The following ZNF438 variants were observed in gnomAD, a reference collection of about 807,000 sequenced individuals.
The protein encoded by ZNF438 is zinc finger protein 438.
Under a neutral mutation model 38.0 loss-of-function variants are expected in ZNF438, and 25 were observed. The observed-to-expected ratio is 0.66, with a 90% CI of 0.48 to 0.92. The LOEUF is 0.92. Among genes scored for constraint, ZNF438 ranks in the 40% least tolerant of loss-of-function variants. ZNF438 has a pLI of 0.00. For synonymous variants in ZNF438, 372 were observed against 364.1 expected, an observed-to-expected ratio of 1.02 and a Z score of -0.25; for missense variants, 1,007 against 999.6, an observed-to-expected ratio of 1.01 and a Z score of -0.10.
chr10:30,856,614 G>A (rs1314085194), intron 4 of ZNF438, among the ~76,000 whole-genome samples: 2 of 152,112 alleles, frequency 1.3e-5, no homozygotes, highest in African/African-American at 2.4e-5. Context: ...TTACAGAACT[G>A]TGCACTAAAT....
chr10:30,935,895 C>T (rs1039748604), intron 2 of ZNF438, among the ~76,000 whole-genome samples: 2 of 152,080 alleles, frequency 1.3e-5, no homozygotes, highest in African/African-American at 4.8e-5. Flanking sequence ...CCAATCACCT[C>T]CCACCAGGTC....
chr10:30,962,578 C>T (rs1214439872), intron 1 of ZNF438, among the ~76,000 whole-genome samples: 5 of 147,606 alleles, frequency 3.4e-5, no homozygotes, highest in African/African-American at 1.2e-4. Context: ...ACGTAATATA[C>T]ATTGTGATTG....
intron 2 of ZNF438, among the ~76,000 whole-genome samples, chr10:30,941,268 C>T (rs1206034980): frequency 6.6e-6 from 1 of 152,072 alleles, no homozygotes; most frequent in Non-Finnish European, 1.5e-5. Flanking sequence ...GAAGAGGTTT[C>T]ACCTTGTTGG....
intron 1 of ZNF438, among the ~76,000 whole-genome samples, chr10:30,963,743 C>T (rs903428759): frequency 2.0e-5 from 3 of 151,808 alleles, no homozygotes; most frequent in South Asian, 4.2e-4. Flanking sequence ...TAGCCGGGTA[C>T]GGTGGCAGGC....
At chr10:30,878,678 C>T (rs933371430) in intron 3 of ZNF438, among the ~76,000 whole-genome samples, 1 of 152,096 alleles carries the variant, frequency 6.6e-6, no homozygotes, top group African/African-American at 2.4e-5. Context: ...TGTCCATAAA[C>T]GGTAAAGCTA....
chr10:31,006,060 A>G (rs568714819), intron 1 of ZNF438, among the ~76,000 whole-genome samples: 1 of 152,106 alleles, frequency 6.6e-6, no homozygotes, highest in East Asian at 1.9e-4. Context: ...TCTACCCTAT[A>G]TTACATGGTA....
intron 5 of ZNF438, among the ~76,000 whole-genome samples, chr10:30,847,786 G>GCTGC (rs1310826719): frequency 1.3e-5 from 2 of 152,240 alleles, no homozygotes; most frequent in Non-Finnish European, 2.9e-5. Context: ...GGCACCTGGA[G>GCTGC]CTGCCTGGCC....
chr10:30,912,878 C>A (rs1160354229), intron 2 of ZNF438, among the ~76,000 whole-genome samples: 1 of 152,126 alleles, frequency 6.6e-6, no homozygotes, highest in Non-Finnish European at 1.5e-5. Context: ...AAAATGTGAT[C>A]TGCTGCTGGA....
intron 1 of ZNF438, among the ~76,000 whole-genome samples, chr10:30,982,399 C>T (rs2136469608): frequency 6.6e-6 from 1 of 152,250 alleles, no homozygotes; most frequent in Non-Finnish European, 1.5e-5. Context: ...CCGCGCCCGG[C>T]CATCCTGTCT....
intron 5 of ZNF438, among the ~76,000 whole-genome samples, 192 bp from the exon 7 acceptor site, chr10:30,845,765 T>C (rs775891875): frequency 6.6e-6 from 1 of 152,190 alleles, no homozygotes; most frequent in Admixed American, 6.5e-5. Flanking sequence ...CTCCTGCTTG[T>C]GGCCACACAT....
At chr10:30,886,943 T>C (rs959461603) in intron 3 of ZNF438, among the ~76,000 whole-genome samples, 3 of 152,226 alleles carry the variant, frequency 2.0e-5, no homozygotes, top group Non-Finnish European at 2.9e-5. Flanking sequence ...TTTTGTTAAA[T>C]TTTATGATGA....
rs756843500 is a variant in ZNF438, at chr10:30,848,760, T to C, written c.1645A>G (p.Ser549Gly). 3 of 1,614,138 alleles carry C rather than the reference T, an allele frequency of 1.9e-6. 1 individual carries two copies. The highest frequency in any genetic ancestry group is 2.5e-6 in the Non-Finnish European group (3 of 1,180,042). ...TGAAGTTTCATGTGTGTGCTCAGGC[T>C]GCCAGGACGTACATAGGACTTGCGA... is the stretch of plus-strand genomic sequence containing the variant. Residue 549 changes from serine (S) to glycine (G), a missense_variant, in exon 5 of 6, where the codon AGC becomes GGC. By Grantham distance (56) the Ser-to-Gly change is moderately conservative. Transcript: ENST00000413025.
chr10:30,994,453 A>G (rs992606018), intron 1 of ZNF438, among the ~76,000 whole-genome samples: 1 of 152,190 alleles, frequency 6.6e-6, no homozygotes, highest in Non-Finnish European at 1.5e-5. Flanking sequence ...TAGGCTAGCT[A>G]TCACAAGAGT....
At chr10:31,005,731 C>G (rs1375685977) in intron 1 of ZNF438, among the ~76,000 whole-genome samples, 1 of 151,906 alleles carries the variant, frequency 6.6e-6, no homozygotes, top group Non-Finnish European at 1.5e-5. Flanking sequence ...GTGTATACAT[C>G]AAAACATCAT....
At chr10:30,899,578 G>C (rs1405245724) in intron 3 of ZNF438, among the ~76,000 whole-genome samples, 1 of 152,062 alleles carries the variant, frequency 6.6e-6, no homozygotes, top group East Asian at 1.9e-4. Context: ...TTAACAGGCT[G>C]TTTCAGAATT....
Position 30,892,497 on chromosome 10 carries a change from A to C in ZNF438, c.-31-15432T>G, listed in dbSNP as rs187989948. ...GGGAAGACCATTGCATTTATATATT[A>C]AGAATTTACTTACATTGCTACAGTC... On this transcript the variant is annotated intron_variant, in intron 3 of 5. Coordinates refer to ENST00000413025, the Ensembl canonical transcript of ZNF438. 2.4e-3 allele frequency among the ~76,000 whole-genome samples: 371 copies of C among 152,286 alleles called. 1 individual carries two copies. Among genetic ancestry groups the C allele is most frequent in the African/African-American group, 8.4e-3 (348 of 41,582 alleles).
In ZNF438 at chr10:30,951,982, A is replaced by G. The variant is rs1266488171; in HGVS notation, c.-191-10331T>C. Reference sequence around the variant, plus strand: ...AAAAGAACAAAGCTGGAGGCATCACACTACCTGACTTCAAACTATACTACA... The same window carrying G: ...AAAAGAACAAAGCTGGAGGCATCACGCTACCTGACTTCAAACTATACTACA... On this transcript the variant is annotated intron_variant, in intron 1 of 5. Coordinates refer to ENST00000413025, the Ensembl canonical transcript of ZNF438. Among the ~76,000 whole-genome samples the G allele has an allele frequency of 1.1e-3, 165 of 150,460 alleles. 3 individuals are homozygous for G. The East Asian group carries it at 0.028, about 26-fold the overall frequency.
At chr10:31,011,558 A>T (rs1007374372) in intron 1 of ZNF438, among the ~76,000 whole-genome samples, 2 of 152,230 alleles carry the variant, frequency 1.3e-5, no homozygotes, top group African/African-American at 4.8e-5. Context: ...AAAACAGGAA[A>T]GGGTGCGGTA....
intron 4 of ZNF438, among the ~76,000 whole-genome samples, chr10:30,860,284 T>C (rs576309007): frequency 5.8e-4 from 89 of 152,306 alleles, no homozygotes; most frequent in African/African-American, 2.1e-3. Context: ...CTCACTCTAT[T>C]AGCATTAGAT....
Sources: gnomAD v4.1 joint callset for allele counts (sites outside exome capture counted in the v4.1 genomes callset) on GRCh38, gnomAD v4.1.1 for gene constraint, MANE v1.5 for transcripts, NCBI Gene and HGNC (gene_info 2026-07-23, HGNC 2026-07-21) for gene names.